GIN1: variants seen among roughly 807,000 people sequenced by gnomAD.
GIN1 encodes gypsy retrotransposon integrase-like protein 1.
A neutral mutation model predicts 51.4 loss-of-function variants in GIN1; 41 were observed. The ratio of observed to expected loss-of-function variants is 0.80; its 90% CI spans 0.62 to 1.04. The LOEUF is 1.04. GIN1 is among the 50% of genes least tolerant of loss of function. GIN1 has a pLI of 0.00. For missense variants in GIN1, 610 were observed against 612.4 expected (o/e 1.00, Z 0.04); for synonymous variants, 222 against 206.5 (o/e 1.07, Z -0.64).
chr5:103,088,307 A>C, intron 7 of GIN1, 135 bp from the exon 8 acceptor site: 1 of 532,776 alleles, frequency 1.9e-6, no homozygotes, highest in South Asian at 3.1e-5. Flanking sequence ...AGGGAGTTAT[A>C]CTGTCTACTA....
rs568311024 is a variant in GIN1, at chr5:103,118,171, T to TAAATTATTTC, written c.-8+1883_-8+1892dup. 3.9e-3 allele frequency among the ~76,000 whole-genome samples: 588 copies of TAAATTATTTC among 152,246 alleles called. 2 individuals are homozygous for TAAATTATTTC. The highest frequency in any genetic ancestry group is 0.013 in the African/African-American group (553 of 41,574). On this transcript the variant is annotated intron_variant, in intron 1 of 7. Transcript: ENST00000399004. Reference sequence around the variant, plus strand: ...AAAATTATAGCAAATATTCCAGAGGTAAATTATTTCACTTTTGAAAACATT... The same window carrying TAAATTATTTC: ...AAAATTATAGCAAATATTCCAGAGGTAAATTATTTCAAATTATTTCACTTTTGAAAACATT...
chr5:103,113,519 C>T (rs1787941542), intron 1 of GIN1, among the ~76,000 whole-genome samples: 1 of 139,206 alleles, frequency 7.2e-6, no homozygotes, highest in African/African-American at 2.6e-5. Context: ...AAAGTTCCAC[C>T]TCTTTTTTTT....
In GIN1 at chr5:103,097,227, A is replaced by G. The variant is rs1787424764; in HGVS notation, c.1008+87T>C. 7 of 761,084 alleles carry G rather than the reference A, an allele frequency of 9.2e-6. No homozygotes were observed. In the South Asian group the frequency reaches 9.9e-5, roughly 11 times the overall value. The allele number at this position is 761,084 out of a possible 1,614,324, so 47.1% of individuals were successfully genotyped here. ...CAAGTAAGTATGTGTGTGTGTGTGC[A>G]TGCACACATGTATATGCTGAAATTT... On this transcript the variant is annotated intron_variant, in intron 6 of 7. Transcript: ENST00000399004.
chr5:103,119,683 A>G (rs1554198190), intron 1 of GIN1, among the ~76,000 whole-genome samples: 2 of 152,170 alleles, frequency 1.3e-5, no homozygotes, highest in African/African-American at 4.8e-5. Context: ...GAATTCTTCA[A>G]CGCCGGCCAA....
chr5:103,106,489 C>A, intron 3 of GIN1: 1 of 338,284 alleles, frequency 3.0e-6, no homozygotes, highest in Non-Finnish European at 5.3e-6. Context: ...TTTAAATAAT[C>A]TCTTATTTAA....
chr5:103,102,069 A>C (rs1407016366), intron 4 of GIN1, among the ~76,000 whole-genome samples: 5 of 152,190 alleles, frequency 3.3e-5, no homozygotes, highest in South Asian at 2.1e-4. Flanking sequence ...TTTTCCATTG[A>C]AGTTTATACC....
At position 103,086,267 on chromosome 5, in the gene GIN1, G is replaced by A. The variant is rs1315799746; in HGVS notation, c.*1631C>T. 1 of 151,982 alleles carries A rather than the reference G, an allele frequency of 6.6e-6. No individual in the cohort carries two copies. The highest frequency in any genetic ancestry group is 2.4e-5 in the African/African-American group (1 of 41,340). The allele number at this position is 151,982 out of a possible 1,614,324, so 9.4% of individuals were successfully genotyped here. A position where few individuals can be genotyped will look rare whatever the true frequency, so the allele number is the denominator to read the frequency against. ...AGAACACCAGTAATACTGTATTAGA[G>A]CCCACCCTATTGAAATATGATCTCA... On this transcript the variant is annotated 3_prime_UTR_variant, in exon 8 of 8. Coordinates refer to ENST00000399004, the MANE Select transcript of GIN1 (RefSeq NM_017676.2).
rs564278252 is a variant in GIN1 at position 103,088,019 on chromosome 5, C to T, written c.1448G>A (p.Arg483His). 2.6e-5 allele frequency: 41 copies of T among 1,607,304 alleles called. No individual in the cohort carries two copies. In the African/African-American group the frequency reaches 4.8e-4, roughly 19 times the overall value. Residue 483 changes from arginine to histidine, a missense_variant, in exon 8 of 8, where the codon CGT becomes CAT. Arg to His is a conservative substitution (Grantham distance 29). Coordinates refer to ENST00000399004, the MANE Select transcript of GIN1 (RefSeq NM_017676.2). ...DNELLTSSKD[R>H]ELLEYRNTKI... is the part of the protein sequence containing the mutation. ...CGTATTTCTATATTCTAATAGTTCA[C>T]GATCCTTGCTTGATGTCAGTAATTC...
In GIN1 at chr5:103,097,663, T is replaced by A. The variant is rs782785900; in HGVS notation, c.758A>T (p.His253Leu). Residue 253 changes from histidine to leucine, a missense_variant, in exon 5 of 8, where the codon CAC (histidine) becomes CTC (leucine). Physicochemically the swap from His to Leu is moderately conservative, Grantham distance 99. Coordinates refer to ENST00000399004, the MANE Select transcript of GIN1 (RefSeq NM_017676.2). ...CCAATTGTTTGGGTGGTCAGCACAG[T>A]GTTTGGAGAGAAATGCTTTGATTGT... ...PNTIKAFLSKHCADHPNNWDD... is the reference protein window; with the variant it reads ...PNTIKAFLSKLCADHPNNWDD... 4 of 1,610,746 alleles carry A rather than the reference T, an allele frequency of 2.5e-6. No homozygotes were observed. The highest frequency in any genetic ancestry group is 2.5e-6 in the Non-Finnish European group (3 of 1,176,944).
intron 1 of GIN1, among the ~76,000 whole-genome samples, chr5:103,112,440 C>A (rs1037656445): frequency 6.6e-6 from 1 of 152,150 alleles, no homozygotes; most frequent in Admixed American, 6.5e-5. Flanking sequence ...CATGAGACTG[C>A]CTCTGGGCAT....
At chr5:103,118,485 T>C (rs1196123853) in intron 1 of GIN1, among the ~76,000 whole-genome samples, 1 of 152,198 alleles carries the variant, frequency 6.6e-6, no homozygotes, top group Non-Finnish European at 1.5e-5. Flanking sequence ...ATGGTGTTAA[T>C]GTTTTATAGC....
At chr5:103,107,684 C>T (rs1787765516) in intron 2 of GIN1, among the ~76,000 whole-genome samples, 1 of 152,066 alleles carries the variant, frequency 6.6e-6, no homozygotes, top group Non-Finnish European at 1.5e-5. Context: ...ATCTCCAAGG[C>T]TTAGAATGTG....
At chr5:103,099,936 C>T (rs1787522169) in intron 4 of GIN1, among the ~76,000 whole-genome samples, 1 of 152,074 alleles carries the variant, frequency 6.6e-6, no homozygotes, top group Admixed American at 6.5e-5. Context: ...TCAGTATTTG[C>T]TGACAAAAGA....
rs1554193891 is a variant in GIN1, at chr5:103,086,472, C to G, written c.*1426G>C. On this transcript the variant is annotated 3_prime_UTR_variant, in exon 8 of 8. Transcript: ENST00000399004. ...TATCCCTCATTATCTTGCTTCTTCA[C>G]TTTATACCCGAGGCAGTGTAGACAA... 1 of 152,212 alleles carries G rather than the reference C, an allele frequency of 6.6e-6. No individual in the cohort carries two copies. Among genetic ancestry groups the G allele is most frequent in the Admixed American group, 6.5e-5 (1 of 15,290 alleles). 9.4% of individuals were successfully genotyped at this position (152,212 alleles called of 1,614,324 possible). A position where few individuals can be genotyped will look rare whatever the true frequency, so the allele number is the denominator to read the frequency against.
At chr5:103,100,817 A>G (rs988271136) in intron 4 of GIN1, among the ~76,000 whole-genome samples, 4 of 152,204 alleles carry the variant, frequency 2.6e-5, no homozygotes, top group African/African-American at 7.2e-5. Flanking sequence ...ACCTTGAAAC[A>G]TTATATGCAC....
At chr5:103,096,402 T>C in intron 7 of GIN1, 139 bp downstream of exon 7, 1 of 668,788 alleles carries the variant, frequency 1.5e-6, no homozygotes, top group Non-Finnish European at 2.6e-6. Flanking sequence ...ACAGACTACC[T>C]GGGATAGCTA....
At chr5:103,115,348 A>G (rs1349093786) in intron 1 of GIN1, among the ~76,000 whole-genome samples, 1 of 152,200 alleles carries the variant, frequency 6.6e-6, no homozygotes, top group East Asian at 1.9e-4. Flanking sequence ...TTTAAAGGGA[A>G]GGAGATTCTA....
At chr5:103,119,272 A>G (rs1788255919) in intron 1 of GIN1, among the ~76,000 whole-genome samples, 1 of 152,220 alleles carries the variant, frequency 6.6e-6, no homozygotes, top group Non-Finnish European at 1.5e-5. Context: ...ATTTTCAATC[A>G]ACATGTTAAC....
chr5:103,096,763 G>T lies in GIN1; in HGVS notation c.1072C>A (p.Gln358Lys). ...SKIIVKKKPKQLNPFHLKVGH... is the reference protein window; with the variant it reads ...SKIIVKKKPKKLNPFHLKVGH... Reference sequence around the variant, plus strand: ...ACTTTTAAATGAAATGGATTTAATTGTTTGGGTTTCTTTTTAACAATGATC... The same window carrying T: ...ACTTTTAAATGAAATGGATTTAATTTTTTGGGTTTCTTTTTAACAATGATC... Residue 358 changes from glutamine (Q) to lysine (K), a missense_variant, in exon 7 of 8, where the codon CAA becomes AAA. Coordinates refer to ENST00000399004, the MANE Select transcript of GIN1 (RefSeq NM_017676.2). 1 of 1,609,506 alleles carries T rather than the reference G, an allele frequency of 6.2e-7. No individual in the cohort carries two copies. Among genetic ancestry groups the T allele is most frequent in the Non-Finnish European group, 8.5e-7 (1 of 1,175,926 alleles).
Sources: gnomAD v4.1 joint callset for allele counts (sites outside exome capture counted in the v4.1 genomes callset) on GRCh38, gnomAD v4.1.1 for gene constraint, MANE v1.5 for transcripts, NCBI Gene and HGNC (gene_info 2026-07-23, HGNC 2026-07-21) for gene names.